The following GXYLT2 variants were observed in gnomAD, a reference collection of about 807,000 sequenced individuals.
The protein encoded by GXYLT2 is glucoside xylosyltransferase 2.
A neutral mutation model predicts 45.8 loss-of-function variants in GXYLT2; 53 were observed. The ratio of observed to expected loss-of-function variants is 1.16; its 90% CI spans 0.93 to 1.46. The LOEUF (loss-of-function observed/expected upper bound fraction) is 1.46. GXYLT2 is among the 40% of genes most tolerant of loss of function. The pLI, the probability that GXYLT2 is intolerant of heterozygous loss-of-function variation, is 0.00. For missense variants in GXYLT2, 551 were observed against 544.4 expected (o/e 1.01, Z -0.12); for synonymous variants, 219 against 214.2 (o/e 1.02, Z -0.19).
intron 5 of GXYLT2, among the ~76,000 whole-genome samples, chr3:72,957,653 G>A (rs952434031): frequency 3.3e-5 from 5 of 152,132 alleles, no homozygotes; most frequent in South Asian, 2.1e-4. Flanking sequence ...GATGTGAGGC[G>A]TGAAACTAAA....
chr3:72,892,714 T>C (rs1221836168), intron 1 of GXYLT2, among the ~76,000 whole-genome samples: 1 of 152,194 alleles, frequency 6.6e-6, no homozygotes, highest in Non-Finnish European at 1.5e-5. Context: ...TAAAAAGAGA[T>C]GGTGTTCTGT....
chr3:72,959,011 T>C (rs547724579), intron 5 of GXYLT2, among the ~76,000 whole-genome samples: 5 of 150,184 alleles, frequency 3.3e-5, no homozygotes, highest in East Asian at 2.0e-4. Flanking sequence ...GGTGCAATTA[T>C]GGCTCACTGT....
At chr3:72,930,843 C>T (rs1710017182) in intron 3 of GXYLT2, among the ~76,000 whole-genome samples, 2 of 152,202 alleles carry the variant, frequency 1.3e-5, no homozygotes, top group Middle Eastern at 6.8e-3. Flanking sequence ...ATCCACCTGC[C>T]TCAGCCTCCC....
chr3:72,888,570 C>T (rs750468771), intron 1 of GXYLT2, 62 bp downstream of exon 1: 22 of 1,054,884 alleles, frequency 2.1e-5, no homozygotes, highest in Non-Finnish European at 2.5e-5. Context: ...TACACCCGTG[C>T]CAAGTCCAAG....
chr3:72,905,167 GA>G (rs1261198149), intron 1 of GXYLT2, among the ~76,000 whole-genome samples: 3 of 151,752 alleles, frequency 2.0e-5, no homozygotes, highest in African/African-American at 7.3e-5. Flanking sequence ...ACCCAGGCTG[GA>G]GTGCAGTGGC....
chr3:72,942,494 C>T (rs1287193451), intron 3 of GXYLT2, among the ~76,000 whole-genome samples: 1 of 151,994 alleles, frequency 6.6e-6, no homozygotes, highest in East Asian at 1.9e-4. Context: ...TTTAAAGTAT[C>T]TCCTCCAAAA....
At chr3:72,944,561 A>G (rs987069953) in intron 3 of GXYLT2, among the ~76,000 whole-genome samples, 41 of 151,860 alleles carry the variant, frequency 2.7e-4, no homozygotes, top group African/African-American at 9.2e-4. Flanking sequence ...TTTGTTTTTT[A>G]TGTATGTAGG....
In GXYLT2 at chr3:72,888,048, C is replaced by A. The variant is rs1201138053; in HGVS notation, c.-186C>A. ...CCAGCTCTCACCGCCTCCCCCTCCT[C>A]TCCTCTCTCTCCTCCTCCTTCGCCG... On this transcript the variant is annotated 5_prime_UTR_variant, in exon 1 of 7. Transcript: ENST00000389617. 4 of 180,724 alleles carry A rather than the reference C, an allele frequency of 2.2e-5. No individual in the cohort carries two copies. Among genetic ancestry groups the A allele is most frequent in the Non-Finnish European group, 4.2e-5 (4 of 94,858 alleles). 11.2% of individuals were successfully genotyped at this position (180,724 alleles called of 1,614,324 possible). A position where few individuals can be genotyped will look rare whatever the true frequency, so the allele number is the denominator to read the frequency against.
At chr3:72,941,210 ATAT>A (rs1346790421) in intron 3 of GXYLT2, among the ~76,000 whole-genome samples, 1 of 152,024 alleles carries the variant, frequency 6.6e-6, no homozygotes, top group Non-Finnish European at 1.5e-5. Context: ...AAGGGTTATT[ATAT>A]TATCCTGTTT....
chr3:72,921,798 C>T (rs1338884559), intron 2 of GXYLT2, among the ~76,000 whole-genome samples: 3 of 152,130 alleles, frequency 2.0e-5, no homozygotes, highest in Non-Finnish European at 4.4e-5. Flanking sequence ...TATTATTGGA[C>T]ATTTTGATTG....
chr3:72,889,585 C>G lies in GXYLT2; in HGVS notation c.275+1077C>G, dbSNP rs150522754. ...ATCTGTCGCTTTAAAGTACTTATAA[C>G]ACTTTACAGCCCTTTCTGGATGTAT... On this transcript the variant is annotated intron_variant, in intron 1 of 6. Transcript: ENST00000389617. 5.5e-3 allele frequency among the ~76,000 whole-genome samples: 836 copies of G among 152,266 alleles called. 10 individuals carry two copies. Among genetic ancestry groups the G allele is most frequent in the African/African-American group, 0.019 (794 of 41,554 alleles).
chr3:72,908,073 A>G (rs1030012844), intron 1 of GXYLT2: 13 of 274,098 alleles, frequency 4.7e-5, no homozygotes, highest in Non-Finnish European at 8.9e-5. Flanking sequence ...ATTTCCAAAC[A>G]TGGGCCAGTA....
chr3:72,888,514 T>C lies in GXYLT2; in HGVS notation c.275+6T>C. Reference sequence around the variant, plus strand: ...AGACTGGAGAAGTTGGCGAGGTGAGTCGTGGCAACCCCAGAATCCCATCTG... The same window carrying C: ...AGACTGGAGAAGTTGGCGAGGTGAGCCGTGGCAACCCCAGAATCCCATCTG... On this transcript the variant is annotated splice_donor_region_variant and intron_variant, in intron 1 of 6. Transcript: ENST00000389617. The C allele has an allele frequency of 8.1e-7, 1 of 1,228,196 alleles. No individual in the cohort carries two copies. The allele number at this position is 1,228,196 out of a possible 1,614,324, so 76.1% of individuals were successfully genotyped here. A position where few individuals can be genotyped will look rare whatever the true frequency, so the allele number is the denominator to read the frequency against.
At chr3:72,913,343 A>G (rs908721945) in intron 2 of GXYLT2, among the ~76,000 whole-genome samples, 4 of 150,576 alleles carry the variant, frequency 2.7e-5, no homozygotes, top group African/African-American at 9.7e-5. Flanking sequence ...CGGCCTCCTC[A>G]GGTTTTTATT....
intron 3 of GXYLT2, among the ~76,000 whole-genome samples, chr3:72,937,412 G>A (rs1169772548): frequency 6.6e-6 from 1 of 152,158 alleles, no homozygotes; most frequent in Non-Finnish European, 1.5e-5. Context: ...CTGAAAAAAG[G>A]GAAATGTATG....
intron 5 of GXYLT2, among the ~76,000 whole-genome samples, chr3:72,965,891 T>G (rs1297802691): frequency 6.6e-6 from 1 of 152,220 alleles, no homozygotes; most frequent in African/African-American, 2.4e-5. Flanking sequence ...ATGGCCATGG[T>G]GCATATAGTT....
intron 3 of GXYLT2, 118 bp from the exon 4 acceptor site, chr3:72,954,980 G>T: frequency 3.0e-6 from 3 of 1,000,218 alleles, no homozygotes; most frequent in Non-Finnish European, 4.4e-6. Context: ...AATTTAATAC[G>T]AATCAACAAA....
At chr3:72,963,688 T>C (rs1216794943) in intron 5 of GXYLT2, among the ~76,000 whole-genome samples, 62 of 149,948 alleles carry the variant, frequency 4.1e-4, no homozygotes, top group African/African-American at 1.5e-3. Flanking sequence ...TTTTTTTTTT[T>C]GAGACAAGAG....
At chr3:72,899,964 T>C (rs1709371257) in intron 1 of GXYLT2, among the ~76,000 whole-genome samples, 1 of 152,302 alleles carries the variant, frequency 6.6e-6, no homozygotes, top group Non-Finnish European at 1.5e-5. Context: ...AGAAGTGCGA[T>C]TTTCCATCCA....
Sources: gnomAD v4.1 joint callset for allele counts (sites outside exome capture counted in the v4.1 genomes callset) on GRCh38, gnomAD v4.1.1 for gene constraint, MANE v1.5 for transcripts, NCBI Gene and HGNC (gene_info 2026-07-23, HGNC 2026-07-21) for gene names.